The following PSEN1 variants were observed in gnomAD, a reference collection of about 807,000 sequenced individuals.
The protein encoded by PSEN1 is presenilin-1.
Under a neutral mutation model 53.5 loss-of-function variants are expected in PSEN1, and 15 were observed. The observed-to-expected ratio is 0.28, with a 90% CI of 0.19 to 0.43. PSEN1 has a LOEUF of 0.43. Among genes scored for constraint, PSEN1 ranks in the 20% least tolerant of loss-of-function variants. The probability of loss-of-function intolerance (pLI) is 1.00; values close to 1 mark genes in which losing one functional copy is unlikely to be tolerated. For missense variants in PSEN1, 387 were observed against 571.2 expected (o/e 0.68, Z 3.29); for synonymous variants, 208 against 209.8 (o/e 0.99, Z 0.08).
At position 73,221,705 on chromosome 14, in the gene PSEN1, C is replaced by T. The variant is rs1900121844; in HGVS notation, c.*2416C>T. On this transcript the variant is annotated 3_prime_UTR_variant, in exon 12 of 12. Coordinates refer to ENST00000324501, the MANE Select transcript of PSEN1 (RefSeq NM_000021.4). Reference sequence around the variant, plus strand: ...GCTGAGACTACAGCCCATCTTATTTCTTTAAATCATTCATCTCAGGCAGAG... The same window carrying T: ...GCTGAGACTACAGCCCATCTTATTTTTTTAAATCATTCATCTCAGGCAGAG... 1 of 151,948 alleles carries T rather than the reference C, an allele frequency of 6.6e-6. No individual in the cohort carries two copies. Among genetic ancestry groups the T allele is most frequent in the Non-Finnish European group, 1.5e-5 (1 of 68,014 alleles). The allele number at this position is 151,948 out of a possible 1,614,324, so 9.4% of individuals were successfully genotyped here.
intron 5 of PSEN1, among the ~76,000 whole-genome samples, chr14:73,178,354 A>G (rs1898107573): frequency 6.7e-6 from 1 of 149,434 alleles, no homozygotes; most frequent in Admixed American, 6.7e-5. Context: ...TGCCCAGCTA[A>G]TTTTTGTATT....
intron 10 of PSEN1, among the ~76,000 whole-genome samples, 155 bp downstream of exon 10, chr14:73,212,097 T>C: frequency 2.0e-5 from 1 of 48,950 alleles, no homozygotes; most frequent in Middle Eastern, 5.6e-3. Context: ...GCTTTTTTTT[T>C]TTTTTTTTTT....
chr14:73,193,788 C>G (rs535128038), intron 7 of PSEN1, among the ~76,000 whole-genome samples: 5 of 151,936 alleles, frequency 3.3e-5, no homozygotes, highest in African/African-American at 1.2e-4. Context: ...TCTCAAGTAG[C>G]TAGAACTACA....
At chr14:73,191,920 G>A (rs1166483311) in intron 6 of PSEN1, among the ~76,000 whole-genome samples, 12 of 152,166 alleles carry the variant, frequency 7.9e-5, no homozygotes, top group African/African-American at 2.6e-4. Flanking sequence ...AAATTTGTTA[G>A]CACATGTTTA....
chr14:73,149,824 T>C (rs1034385241), intron 3 of PSEN1, among the ~76,000 whole-genome samples: 3 of 152,244 alleles, frequency 2.0e-5, no homozygotes, highest in African/African-American at 7.2e-5. Flanking sequence ...CAGTTCTATA[T>C]TGTTATAGTT....
At chr14:73,198,454 A>G (rs955177009) in intron 8 of PSEN1, among the ~76,000 whole-genome samples, 12 of 152,220 alleles carry the variant, frequency 7.9e-5, no homozygotes, top group Non-Finnish European at 1.0e-4. Flanking sequence ...TCTTTCTGCT[A>G]TTCGGTGACC....
chr14:73,165,340 C>T (rs541884802), intron 3 of PSEN1, among the ~76,000 whole-genome samples: 13 of 152,162 alleles, frequency 8.5e-5, no homozygotes, highest in Non-Finnish European at 1.3e-4. Flanking sequence ...CTGGCTCAAA[C>T]GATTCTGGCT....
At chr14:73,198,709 C>G (rs362367) in intron 8 of PSEN1, among the ~76,000 whole-genome samples, 14,205 of 152,100 alleles carry the variant, frequency 0.093, 1,744 homozygotes, top group African/African-American at 0.29. Context: ...ATCAATAGTT[C>G]TAGCAACTGA....
chr14:73,183,149 G>C lies in PSEN1; in HGVS notation c.481-3704G>C, dbSNP rs187161582. Among the ~76,000 whole-genome samples, 46 of 152,142 alleles carry C rather than the reference G, an allele frequency of 3.0e-4. 1 individual carries two copies. The highest frequency in any genetic ancestry group is 2.4e-3 in the Admixed American group (36 of 15,280). ...TTTTGTTTTTTTGAGATGGAGTCTC[G>C]CTCTGTTGCTCAGGCTGGAGTGCAA... is the stretch of plus-strand genomic sequence containing the variant. On this transcript the variant is annotated intron_variant, in intron 5 of 11. Transcript: ENST00000324501.
intron 8 of PSEN1, among the ~76,000 whole-genome samples, chr14:73,204,602 A>G (rs1225833945): frequency 6.6e-6 from 1 of 151,936 alleles, no homozygotes; most frequent in Non-Finnish European, 1.5e-5. Flanking sequence ...GGCCATTTAC[A>G]GAAAAAGTTA....
intron 1 of PSEN1, 78 bp from the exon 2 acceptor site, chr14:73,147,717 T>C (rs1216208502): frequency 2.6e-6 from 1 of 389,036 alleles, no homozygotes; most frequent in Non-Finnish European, 4.9e-6. Context: ...CAAATTGGTC[T>C]TATAAGTATT....
At chr14:73,189,440 A>G (rs754892375) in intron 6 of PSEN1, among the ~76,000 whole-genome samples, 25 of 151,968 alleles carry the variant, frequency 1.6e-4, no homozygotes, top group Non-Finnish European at 3.1e-4. Context: ...GTGAAAACCC[A>G]CCTCTACTAA....
intron 4 of PSEN1, 149 bp downstream of exon 4, chr14:73,171,196 C>T (rs1394395480): frequency 1.1e-5 from 10 of 912,024 alleles, no homozygotes; most frequent in South Asian, 5.7e-5. Context: ...GTTGAGAGAG[C>T]GAGGGGTTAT....
At chr14:73,164,653 GT>G (rs1897653111) in intron 3 of PSEN1, among the ~76,000 whole-genome samples, 1 of 151,096 alleles carries the variant, frequency 6.6e-6, no homozygotes, top group Non-Finnish European at 1.5e-5. Flanking sequence ...CTAAATCCTG[GT>G]AGTCTGACCC....
At chr14:73,210,312 C>T (rs1947111784) in intron 9 of PSEN1, among the ~76,000 whole-genome samples, 1 of 152,126 alleles carries the variant, frequency 6.6e-6, no homozygotes, top group Non-Finnish European at 1.5e-5. Context: ...CTGGCTATAG[C>T]AAAGTAGTTT....
chr14:73,203,396 G>T (rs1899312124), intron 8 of PSEN1, among the ~76,000 whole-genome samples: 1 of 151,970 alleles, frequency 6.6e-6, no homozygotes, highest in Non-Finnish European at 1.5e-5. Flanking sequence ...CCTTCGTTTT[G>T]TTTTTTCAAC....
Position 73,161,416 on chromosome 14 carries a change from G to A in PSEN1, c.88-9381G>A, listed in dbSNP as rs1008810762. On this transcript the variant is annotated intron_variant, in intron 3 of 11. Transcript: ENST00000324501. Reference sequence around the variant, plus strand: ...AATTTCTCTTAGCAATATTTTGTAAGTTTCATTGTACAGGATATTTGGGGA... The same window carrying A: ...AATTTCTCTTAGCAATATTTTGTAAATTTCATTGTACAGGATATTTGGGGA... 3.1e-3 allele frequency among the ~76,000 whole-genome samples: 478 copies of A among 152,262 alleles called. 2 individuals carry two copies. The highest frequency in any genetic ancestry group is 8.7e-3 in the African/African-American group (362 of 41,560).
At chr14:73,184,269 C>T (rs1898363928) in intron 5 of PSEN1, among the ~76,000 whole-genome samples, 1 of 129,374 alleles carries the variant, frequency 7.7e-6, no homozygotes, top group African/African-American at 2.9e-5. Flanking sequence ...CCCCACCTCC[C>T]TCCCGGACGG....
intron 8 of PSEN1, among the ~76,000 whole-genome samples, chr14:73,199,058 A>G (rs1315560933): frequency 6.6e-6 from 1 of 152,122 alleles, no homozygotes; most frequent in East Asian, 1.9e-4. Flanking sequence ...TACAGGTGTG[A>G]GCTACCACGC....
Sources: gnomAD v4.1 joint callset for allele counts (sites outside exome capture counted in the v4.1 genomes callset) on GRCh38, gnomAD v4.1.1 for gene constraint, MANE v1.5 for transcripts, NCBI Gene and HGNC (gene_info 2026-07-23, HGNC 2026-07-21) for gene names.